Variants in COL24A1 observed in about 807,000 individuals in gnomAD.
COL24A1 encodes the protein collagen alpha-1(XXIV) chain.
In COL24A1, 224 loss-of-function variants were observed where a neutral mutation model predicts 253.9. The observed-to-expected ratio is 0.88, with a 90% CI of 0.79 to 0.99. COL24A1 has a LOEUF of 0.99. COL24A1 is among the 50% of genes least tolerant of loss of function. COL24A1 has a pLI of 0.00. For synonymous variants in COL24A1, 685 were observed against 673.7 expected (o/e 1.02, Z -0.26); for missense variants, 2,131 against 2,068.5 (o/e 1.03, Z -0.59).
chr1:86,142,114 A>C (rs1434796257), intron 2 of COL24A1, among the ~76,000 whole-genome samples: 1 of 152,172 alleles, frequency 6.6e-6, no homozygotes, highest in African/African-American at 2.4e-5. Flanking sequence ...AGCAGAAGAA[A>C]AGTTGAAAAA....
chr1:86,030,953 A>G (rs1446581511), intron 14 of COL24A1, among the ~76,000 whole-genome samples: 1 of 152,066 alleles, frequency 6.6e-6, no homozygotes, highest in African/African-American at 2.4e-5. Flanking sequence ...AAGGTAAGGG[A>G]AAGAAGACTG....
intron 43 of COL24A1, among the ~76,000 whole-genome samples, chr1:85,830,959 T>C (rs566160311): frequency 6.6e-6 from 1 of 152,248 alleles, no homozygotes; most frequent in South Asian, 2.1e-4. Flanking sequence ...ACAATATTTA[T>C]TCTTACAGCA....
intron 47 of COL24A1, among the ~76,000 whole-genome samples, chr1:85,806,075 C>CAA (rs59669169): frequency 4.2e-5 from 4 of 95,112 alleles, no homozygotes; most frequent in East Asian, 2.9e-4. Context: ...GACTCCGTCT[C>CAA]AAAAAAAAAA....
chr1:85,973,877 T>A (rs375200380), intron 20 of COL24A1, among the ~76,000 whole-genome samples: 6 of 152,158 alleles, frequency 3.9e-5, no homozygotes, highest in African/African-American at 1.4e-4. Context: ...ATGCCATTTA[T>A]AAGAAACACA....
intron 39 of COL24A1, among the ~76,000 whole-genome samples, chr1:85,842,680 C>T (rs1031088080): frequency 1.4e-4 from 21 of 152,036 alleles, no homozygotes; most frequent in African/African-American, 4.1e-4. Context: ...TGCTCCCTAA[C>T]GAATTATTGG....
At chr1:86,032,152 G>A (rs1161785717) in intron 13 of COL24A1, among the ~76,000 whole-genome samples, 1 of 152,144 alleles carries the variant, frequency 6.6e-6, no homozygotes, top group Non-Finnish European at 1.5e-5. Flanking sequence ...TGGATGCCAG[G>A]ACTACCACCT....
chr1:85,802,376 T>TTA (rs1671524746), intron 47 of COL24A1, among the ~76,000 whole-genome samples: 1 of 152,182 alleles, frequency 6.6e-6, no homozygotes, highest in Non-Finnish European at 1.5e-5. Context: ...TTTGATTCTT[T>TTA]AAGCACATCC....
intron 5 of COL24A1, among the ~76,000 whole-genome samples, chr1:86,095,412 G>C (rs544701268): frequency 1.2e-4 from 18 of 152,130 alleles, no homozygotes; most frequent in Non-Finnish European, 2.2e-4. Context: ...GTTTTAGAAT[G>C]GGAATTTCAA....
At chr1:85,961,792 GC>G (rs1691096457) in intron 23 of COL24A1, among the ~76,000 whole-genome samples, 1 of 152,156 alleles carries the variant, frequency 6.6e-6, no homozygotes, top group Non-Finnish European at 1.5e-5. Flanking sequence ...GAGAGTGAGA[GC>G]AAAGGGTGAA....
At chr1:85,810,395 T>C (rs922404616) in intron 47 of COL24A1, among the ~76,000 whole-genome samples, 14 of 152,172 alleles carry the variant, frequency 9.2e-5, no homozygotes, top group African/African-American at 2.7e-4. Context: ...AATTAAGTAG[T>C]AGCTATAAAT....
chr1:86,046,996 G>A (rs1699957149), intron 11 of COL24A1, 127 bp from the exon 12 acceptor site: 3 of 673,208 alleles, frequency 4.5e-6, no homozygotes, highest in Admixed American at 2.6e-5. Flanking sequence ...ATAAACTGAT[G>A]TGATATTCAG....
intron 53 of COL24A1, among the ~76,000 whole-genome samples, chr1:85,770,308 G>GAA (rs11406937): frequency 5.1e-4 from 76 of 149,738 alleles, no homozygotes; most frequent in South Asian, 2.5e-3. Flanking sequence ...CCTAAGATGA[G>GAA]AAAAAAAAAA....
chr1:85,896,212 A>AT (rs1382742843), intron 29 of COL24A1, 144 bp downstream of exon 29: 2 of 1,174,324 alleles, frequency 1.7e-6, no homozygotes, highest in African/African-American at 3.1e-5. Context: ...CCTGTGTAGT[A>AT]AAAACTTTAT....
intron 1 of COL24A1, among the ~76,000 whole-genome samples, chr1:86,152,767 G>A (rs1447102241): frequency 6.6e-6 from 1 of 152,178 alleles, no homozygotes; most frequent in Admixed American, 6.5e-5. Flanking sequence ...GCCTAGCTTA[G>A]TAAAGTTCCT....
intron 55 of COL24A1, among the ~76,000 whole-genome samples, chr1:85,756,905 A>C (rs1487709243): frequency 1.3e-5 from 2 of 152,242 alleles, no homozygotes. Flanking sequence ...ATACGCTTAC[A>C]AAAGAGATGA....
chr1:86,117,625 A>G (rs942151276), intron 3 of COL24A1, among the ~76,000 whole-genome samples: 42 of 152,060 alleles, frequency 2.8e-4, no homozygotes, highest in Admixed American at 3.9e-4. Context: ...CAATTCTCAC[A>G]TGTCTTCATA....
intron 19 of COL24A1, 47 bp downstream of exon 19, chr1:86,017,104 T>G: frequency 3.3e-6 from 5 of 1,506,274 alleles, no homozygotes; most frequent in African/African-American, 1.4e-5. Context: ...CAAGTTTAAT[T>G]TCCACCATTT....
At chr1:85,780,206 C>T (rs1224155614) in intron 52 of COL24A1, among the ~76,000 whole-genome samples, 7 of 151,886 alleles carry the variant, frequency 4.6e-5, no homozygotes, top group African/African-American at 1.7e-4. Context: ...TATCCAGTAA[C>T]TTTGGTGGTT....
At chr1:85,985,601 T>C (rs920995708) in intron 20 of COL24A1, among the ~76,000 whole-genome samples, 2 of 151,734 alleles carry the variant, frequency 1.3e-5, no homozygotes, top group African/African-American at 4.8e-5. Flanking sequence ...GAACAACTAC[T>C]GAAGGACAAT....
Sources: allele counts gnomAD v4.1 joint callset (sites outside exome capture counted in the v4.1 genomes callset), GRCh38; gene constraint gnomAD v4.1.1; transcripts MANE v1.5; gene names NCBI Gene and HGNC (gene_info 2026-07-23, HGNC 2026-07-21).